The following TJP1 variants were observed in gnomAD, a reference collection of about 807,000 sequenced individuals.
TJP1 encodes the protein tight junction protein ZO-1.
Under a neutral mutation model 194.2 loss-of-function variants are expected in TJP1, and 43 were observed. The observed-to-expected ratio is 0.22, with a 90% CI of 0.17 to 0.29. The LOEUF is 0.29. Among genes scored for constraint, TJP1 ranks in the 10% least tolerant of loss-of-function variants. The pLI is 1.00. For synonymous variants in TJP1, 801 were observed against 779.0 expected (o/e 1.03, Z -0.47); for missense variants, 1,971 against 2,185.7 (o/e 0.90, Z 1.96).
chr15:29,848,839 CAG>C (rs773636062), intron 2 of TJP1, among the ~76,000 whole-genome samples: 2 of 151,648 alleles, frequency 1.3e-5, no homozygotes, highest in Non-Finnish European at 2.9e-5. Context: ...AGCCTGGCGA[CAG>C]AGTGAGACTC....
chr15:29,838,315 C>G (rs538760046), intron 2 of TJP1, among the ~76,000 whole-genome samples: 98 of 152,238 alleles, frequency 6.4e-4, no homozygotes, highest in Non-Finnish European at 1.2e-3. Flanking sequence ...ATTCCAGCTA[C>G]TTGGGAGGCT....
intron 1 of TJP1, among the ~76,000 whole-genome samples, chr15:29,962,711 AGTAAAATGC>A (rs1431954611): frequency 6.6e-6 from 1 of 152,254 alleles, no homozygotes; most frequent in East Asian, 1.9e-4. Flanking sequence ...AGGAAAAGCT[AGTAAAATGC>A]TAATTTTTGT....
At chr15:29,946,704 A>G (rs1050665573) in intron 2 of TJP1, among the ~76,000 whole-genome samples, 1 of 152,344 alleles carries the variant, frequency 6.6e-6, no homozygotes, top group Middle Eastern at 3.4e-3. Context: ...CAGCAAGGCC[A>G]TTTATTCACT....
chr15:29,832,096 C>T (rs1039355212), intron 2 of TJP1, among the ~76,000 whole-genome samples: 15 of 152,130 alleles, frequency 9.9e-5, no homozygotes, highest in African/African-American at 3.4e-4. Context: ...TGGCTCTTCT[C>T]ATCAACAGAT....
At chr15:29,763,534 C>T (rs879362957) in intron 5 of TJP1, among the ~76,000 whole-genome samples, 7 of 152,050 alleles carry the variant, frequency 4.6e-5, no homozygotes, top group Admixed American at 4.6e-4. Flanking sequence ...CTTTGGGAGG[C>T]CAAGGCGGGC....
At chr15:29,771,098 A>T (rs1049724881) in intron 4 of TJP1, among the ~76,000 whole-genome samples, 54 of 152,272 alleles carry the variant, frequency 3.5e-4, no homozygotes, top group African/African-American at 1.0e-3. Context: ...TACTTTTTCC[A>T]TGTTTAGACA....
chr15:29,965,657 A>C (rs2056308366), intron 1 of TJP1, among the ~76,000 whole-genome samples: 1 of 152,244 alleles, frequency 6.6e-6, no homozygotes, highest in Non-Finnish European at 1.5e-5. Flanking sequence ...TTATGTCTCC[A>C]ATGCTCCATG....
intron 15 of TJP1, 67 bp from the exon 16 acceptor site, chr15:29,728,086 T>C: frequency 1.5e-6 from 2 of 1,314,922 alleles, no homozygotes. Flanking sequence ...GTTTCTCAAC[T>C]ACTGGCCACA....
In TJP1 at chr15:29,710,907, G is replaced by A. The variant is rs1474083701; in HGVS notation, c.4296C>T (p.Pro1432=). Residue 1432 remains proline (P), a synonymous_variant, in exon 24 of 28, where the codon CCC becomes CCT. Coordinates refer to ENST00000614355, the MANE Select transcript of TJP1 (RefSeq NM_001330239.4). The part of the protein sequence containing the change: ...IQATPPPPPL[P]SQYAQPSQPV... ...GCTGAGATGGCTGGGCATACTGCGA[G>A]GGCAATGGAGGAGGAGGGGGAGTGG... The A allele has an allele frequency of 3.7e-6, 6 of 1,614,066 alleles. No individual in the cohort carries two copies. In the East Asian group the frequency reaches 8.9e-5, roughly 24 times the overall value.
chr15:29,899,350 AG>A (rs1450971944), intron 2 of TJP1, among the ~76,000 whole-genome samples: 1 of 152,038 alleles, frequency 6.6e-6, no homozygotes, highest in Non-Finnish European at 1.5e-5. Context: ...TTGCAATTTG[AG>A]TTCATTTTCT....
At chr15:29,965,434 C>T (rs1227867968) in intron 1 of TJP1, among the ~76,000 whole-genome samples, 1 of 152,064 alleles carries the variant, frequency 6.6e-6, no homozygotes, top group Non-Finnish European at 1.5e-5. Context: ...CTGGTATCGA[C>T]CTCCTGACCT....
chr15:29,771,928 C>T, intron 4 of TJP1, 136 bp downstream of exon 4: 1 of 558,796 alleles, frequency 1.8e-6, no homozygotes, highest in Non-Finnish European at 3.1e-6. Context: ...TTAGAAGAAA[C>T]ACTCAAGTGT....
At chr15:29,731,887 ATACT>A (rs1370245812) in intron 15 of TJP1, among the ~76,000 whole-genome samples, 2 of 152,234 alleles carry the variant, frequency 1.3e-5, no homozygotes, top group Non-Finnish European at 2.9e-5. Context: ...CTCAATACTT[ATACT>A]TACTATCTTA....
intron 2 of TJP1, among the ~76,000 whole-genome samples, chr15:29,854,735 C>T (rs1051639267): frequency 1.3e-5 from 2 of 152,110 alleles, no homozygotes; most frequent in South Asian, 2.1e-4. Flanking sequence ...GTACAATCCA[C>T]GCACCTGCCA....
intron 2 of TJP1, among the ~76,000 whole-genome samples, chr15:29,830,119 G>C (rs1402975729): frequency 6.6e-6 from 1 of 151,564 alleles, no homozygotes; most frequent in Non-Finnish European, 1.5e-5. Context: ...ATAGATAAAA[G>C]AATTATTTCC....
intron 2 of TJP1, among the ~76,000 whole-genome samples, chr15:29,927,163 T>C (rs1309901091): frequency 1.3e-5 from 2 of 152,044 alleles, no homozygotes; most frequent in Non-Finnish European, 2.9e-5. Context: ...GTACTAAAAA[T>C]ACAAAAATTA....
At chr15:29,918,344 G>A (rs550283724) in intron 2 of TJP1, among the ~76,000 whole-genome samples, 3 of 152,258 alleles carry the variant, frequency 2.0e-5, no homozygotes, top group African/African-American at 7.2e-5. Context: ...ACTCTTACAT[G>A]TGAACAGATA....
At chr15:29,744,227 T>C (rs568625804) in intron 8 of TJP1, among the ~76,000 whole-genome samples, 6 of 152,268 alleles carry the variant, frequency 3.9e-5, no homozygotes, top group African/African-American at 9.6e-5. Flanking sequence ...CATGATAACA[T>C]CACTGGTAGG....
Position 29,700,887 on chromosome 15 carries a change from G to GT in TJP1, c.*707dup, listed in dbSNP as rs1184552347. 1 of 154,596 alleles carries GT rather than the reference G, an allele frequency of 6.5e-6. No individual in the cohort carries two copies. Among genetic ancestry groups the GT allele is most frequent in the Non-Finnish European group, 1.4e-5 (1 of 69,554 alleles). 9.6% of individuals were successfully genotyped at this position (154,596 alleles called of 1,614,324 possible). Reference sequence around the variant, plus strand: ...AATGCACAAAAGCCATAAAAACTTAGTAACACAAGGAGAATGAGCTAAGAA... The same window carrying GT: ...AATGCACAAAAGCCATAAAAACTTAGTTAACACAAGGAGAATGAGCTAAGAA... On this transcript the variant is annotated 3_prime_UTR_variant, in exon 28 of 28. Transcript: ENST00000614355.
Sources: gnomAD v4.1 joint callset for allele counts (sites outside exome capture counted in the v4.1 genomes callset) on GRCh38, gnomAD v4.1.1 for gene constraint, MANE v1.5 for transcripts, NCBI Gene and HGNC (gene_info 2026-07-23, HGNC 2026-07-21) for gene names.